The following MARCHF11 variants were observed in gnomAD, a reference collection of about 807,000 sequenced individuals.
MARCHF11 encodes E3 ubiquitin-protein ligase MARCHF11.
Under a neutral mutation model 37.3 loss-of-function variants are expected in MARCHF11, and 29 were observed. The ratio of observed to expected loss-of-function variants is 0.78; its 90% CI spans 0.58 to 1.06. The LOEUF (loss-of-function observed/expected upper bound fraction) is 1.06, where lower values mean the gene tolerates loss of function less well. Among genes scored for constraint, MARCHF11 ranks in the 50% least tolerant of loss-of-function variants. The pLI is 0.00. For missense variants in MARCHF11, 482 were observed against 533.4 expected, an observed-to-expected ratio of 0.90 and a Z score of 0.95; for synonymous variants, 233 against 228.0, an observed-to-expected ratio of 1.02 and a Z score of -0.20.
chr5:16,114,800 C>T (rs1026198797), intron 2 of MARCHF11, among the ~76,000 whole-genome samples: 4 of 151,788 alleles, frequency 2.6e-5, no homozygotes, highest in African/African-American at 4.8e-5. Flanking sequence ...AGCAGTTTTA[C>T]TTTTATAATC....
At chr5:16,079,433 CTT>C (rs1194077209) in intron 3 of MARCHF11, among the ~76,000 whole-genome samples, 1 of 152,226 alleles carries the variant, frequency 6.6e-6, no homozygotes. Context: ...TCTCTCCTCA[CTT>C]GAGGGGAAAG....
intron 3 of MARCHF11, among the ~76,000 whole-genome samples, chr5:16,084,471 C>T (rs1014347900): frequency 8.6e-5 from 13 of 151,906 alleles, no homozygotes; most frequent in Non-Finnish European, 1.8e-4. Flanking sequence ...GGTGAAACCC[C>T]GTCTCTACTA....
At chr5:16,077,025 T>G (rs948714951) in intron 3 of MARCHF11, among the ~76,000 whole-genome samples, 1 of 152,200 alleles carries the variant, frequency 6.6e-6, no homozygotes, top group Non-Finnish European at 1.5e-5. Flanking sequence ...TTGCAGCGTT[T>G]GGATAGGATA....
intron 2 of MARCHF11, among the ~76,000 whole-genome samples, chr5:16,158,811 G>T (rs1004309141): frequency 1.3e-5 from 2 of 151,864 alleles, no homozygotes; most frequent in African/African-American, 4.8e-5. Flanking sequence ...CCATCACCTA[G>T]ATATTAAGCC....
intron 2 of MARCHF11, among the ~76,000 whole-genome samples, chr5:16,100,555 T>C (rs551958925): frequency 2.6e-5 from 4 of 152,100 alleles, no homozygotes; most frequent in African/African-American, 9.6e-5. Context: ...ATGGCAGAGG[T>C]AGCTGTAGGT....
chr5:16,134,232 G>T (rs1397554748), intron 2 of MARCHF11, among the ~76,000 whole-genome samples: 1 of 152,134 alleles, frequency 6.6e-6, no homozygotes, highest in Non-Finnish European at 1.5e-5. Flanking sequence ...TATTGCTGTG[G>T]TTTACTGTGT....
At chr5:16,068,322 A>G (rs894915958) in intron 3 of MARCHF11, among the ~76,000 whole-genome samples, 2 of 152,242 alleles carry the variant, frequency 1.3e-5, no homozygotes, top group Non-Finnish European at 2.9e-5. Flanking sequence ...CAACAATTCA[A>G]CAAAAATGTA....
At chr5:16,128,077 CT>C (rs1213277395) in intron 2 of MARCHF11, among the ~76,000 whole-genome samples, 1 of 152,178 alleles carries the variant, frequency 6.6e-6, no homozygotes, top group African/African-American at 2.4e-5. Flanking sequence ...TCTCTTGCTG[CT>C]GCTTCTAACC....
intron 2 of MARCHF11, among the ~76,000 whole-genome samples, chr5:16,133,509 T>G (rs1737554492): frequency 6.6e-6 from 1 of 152,170 alleles, no homozygotes; most frequent in Admixed American, 6.6e-5. Flanking sequence ...ACATAAAAAC[T>G]GACAAATAAT....
intron 2 of MARCHF11, among the ~76,000 whole-genome samples, chr5:16,111,488 G>A (rs185741194): frequency 2.0e-5 from 3 of 152,136 alleles, no homozygotes; most frequent in Admixed American, 1.3e-4. Flanking sequence ...TGAACTTGAG[G>A]GAGATGATTT....
At chr5:16,135,287 T>A (rs1366240343) in intron 2 of MARCHF11, among the ~76,000 whole-genome samples, 4 of 151,988 alleles carry the variant, frequency 2.6e-5, no homozygotes, top group African/African-American at 9.7e-5. Flanking sequence ...CACAAGACAA[T>A]GTAGAGAATG....
chr5:16,130,111 G>A (rs1277453124), intron 2 of MARCHF11, among the ~76,000 whole-genome samples: 5 of 151,992 alleles, frequency 3.3e-5, no homozygotes, highest in South Asian at 2.1e-4. Context: ...GTCTAACTTC[G>A]TTGGGTAAAT....
chr5:16,080,409 T>C (rs1341395417), intron 3 of MARCHF11, among the ~76,000 whole-genome samples: 4 of 152,270 alleles, frequency 2.6e-5, no homozygotes, highest in African/African-American at 9.6e-5. Flanking sequence ...CCAAAGCATT[T>C]CTCTGCAGAC....
chr5:16,174,747 C>T (rs1025747616), intron 2 of MARCHF11, among the ~76,000 whole-genome samples: 2 of 152,162 alleles, frequency 1.3e-5, no homozygotes, highest in Admixed American at 6.6e-5. Flanking sequence ...CTGATCTACC[C>T]GGACTTTATG....
intron 2 of MARCHF11, among the ~76,000 whole-genome samples, chr5:16,098,276 T>C (rs2126561649): frequency 6.6e-6 from 1 of 152,314 alleles, no homozygotes; most frequent in African/African-American, 2.4e-5. Context: ...CCCGTTTTAC[T>C]TCTATTCGAC....
At chr5:16,151,303 C>A (rs994524917) in intron 2 of MARCHF11, among the ~76,000 whole-genome samples, 1 of 152,112 alleles carries the variant, frequency 6.6e-6, no homozygotes, top group Admixed American at 6.6e-5. Context: ...TCCAATATTT[C>A]TCTATCACAA....
Position 16,179,777 on chromosome 5 carries a change from C to A in MARCHF11, c.-202G>T, listed in dbSNP as rs971417586. The A allele has an allele frequency of 1.9e-4, 46 of 240,336 alleles. No homozygotes were observed. The highest frequency in any genetic ancestry group is 2.7e-4 in the Non-Finnish European group (35 of 130,302). The allele number at this position is 240,336 out of a possible 1,614,324, so 14.9% of individuals were successfully genotyped here. ...GGCAGGCGCGGCCGTTCGGTGGAGC[C>A]GCCGGCTCGGCTCTGATGGAGGCGG... is the stretch of plus-strand genomic sequence containing the variant. On this transcript the variant is annotated 5_prime_UTR_variant, in exon 1 of 4. Coordinates refer to ENST00000332432, the MANE Select transcript of MARCHF11 (RefSeq NM_001102562.3).
At chr5:16,147,730 C>A (rs896703206) in intron 2 of MARCHF11, among the ~76,000 whole-genome samples, 1 of 152,106 alleles carries the variant, frequency 6.6e-6, no homozygotes, top group African/African-American at 2.4e-5. Context: ...ATCTACCGGA[C>A]CTGTTTATGC....
At chr5:16,128,581 G>A (rs1169626834) in intron 2 of MARCHF11, among the ~76,000 whole-genome samples, 6 of 152,196 alleles carry the variant, frequency 3.9e-5, no homozygotes, top group East Asian at 1.9e-4. Flanking sequence ...AGAATTTAAC[G>A]TTCTTCATTA....
Sources: allele counts gnomAD v4.1 joint callset (sites outside exome capture counted in the v4.1 genomes callset), GRCh38; gene constraint gnomAD v4.1.1; transcripts MANE v1.5; gene names NCBI Gene and HGNC (gene_info 2026-07-23, HGNC 2026-07-21).